The following AGAP1 variants were observed in gnomAD, a reference collection of about 807,000 sequenced individuals.
The protein encoded by AGAP1 is ArfGAP with GTPase domain, ankyrin repeat and PH domain 1, also known as arf-GAP with GTPase, ANK repeat and PH domain-containing protein 1.
In AGAP1, 29 loss-of-function variants were observed where a neutral mutation model predicts 105.3. The ratio of observed to expected loss-of-function variants is 0.28; its 90% CI spans 0.21 to 0.38. AGAP1 has a LOEUF of 0.38. AGAP1 is among the 10% of genes least tolerant of loss of function. AGAP1 has a pLI of 1.00. For missense variants in AGAP1, 998 were observed against 1,165.1 expected (o/e 0.86, Z 2.09); for synonymous variants, 509 against 485.9 (o/e 1.05, Z -0.63).
At chr2:235,679,329 A>G (rs905331227) in intron 1 of AGAP1, among the ~76,000 whole-genome samples, 3 of 152,220 alleles carry the variant, frequency 2.0e-5, no homozygotes, top group Non-Finnish European at 4.4e-5. Context: ...GAAATATTGC[A>G]TATGTGGCTG....
rs1287368052 is a variant in AGAP1 at position 235,577,644 on chromosome 2, C to A, written c.163+82795C>A. Among the ~76,000 whole-genome samples, 37 of 152,240 alleles carry A rather than the reference C, an allele frequency of 2.4e-4. No individual in the cohort carries two copies. Among genetic ancestry groups the A allele is most frequent in the Non-Finnish European group, 2.9e-5 (2 of 68,016 alleles). The stretch of plus-strand genomic sequence containing the variant: ...CTTCCCCCGGTTATTTTTGTTTGGG[C>A]AGTTAACTCTGAGCATTCGGAACAT... On this transcript the variant is annotated intron_variant, in intron 1 of 17. Coordinates refer to ENST00000304032, the MANE Select transcript of AGAP1 (RefSeq NM_001037131.3). The surrounding 1 kb of genome is among the most constrained non-coding windows in gnomAD (Gnocchi z 4.5).
chr2:235,807,555 G>T (rs890720915), intron 9 of AGAP1, among the ~76,000 whole-genome samples: 1 of 152,252 alleles, frequency 6.6e-6, no homozygotes, highest in African/African-American at 2.4e-5. Flanking sequence ...AGTGCGGGCT[G>T]CCCGCCTGCA....
chr2:236,061,395 C>T lies in AGAP1; in HGVS notation c.2114+12114C>T, dbSNP rs954598240. 2.0e-5 allele frequency among the ~76,000 whole-genome samples: 3 copies of T among 152,208 alleles called. No individual in the cohort carries two copies. Among genetic ancestry groups the T allele is most frequent in the Non-Finnish European group, 2.9e-5 (2 of 68,032 alleles). ...AAACACTTGTCCACACAAAAATGTACACCTGAGTGTTCACAGCAACATCAT... is the reference window on the plus strand; with the variant it reads ...AAACACTTGTCCACACAAAAATGTATACCTGAGTGTTCACAGCAACATCAT... On this transcript the variant is annotated intron_variant, in intron 16 of 17. Coordinates refer to ENST00000304032, the MANE Select transcript of AGAP1 (RefSeq NM_001037131.3). This position sits in a 1 kb window ranked among gnomAD's most constrained non-coding sequence, Gnocchi z 4.1.
intron 1 of AGAP1, among the ~76,000 whole-genome samples, chr2:235,521,513 AG>A (rs140093763): frequency 0.023 from 3,455 of 152,252 alleles, 134 homozygotes; most frequent in African/African-American, 0.079. Context: ...TTTAAATATA[AG>A]CAAATACATG....
intron 1 of AGAP1, chr2:235,670,579 G>T (rs368282159): frequency 8.6e-5 from 46 of 537,522 alleles, no homozygotes; most frequent in East Asian, 7.5e-4. Context: ...ACTGGAGCGG[G>T]CCTGAGGCGC....
rs998217235 is a variant in AGAP1, at chr2:235,665,644, T to G, written c.164-43535T>G. 6.6e-6 allele frequency among the ~76,000 whole-genome samples: 1 copy of G among 152,216 alleles called. No individual in the cohort carries two copies. Among genetic ancestry groups the G allele is most frequent in the East Asian group, 1.9e-4 (1 of 5,188 alleles). On this transcript the variant is annotated intron_variant, in intron 1 of 17. Transcript: ENST00000304032. The surrounding 1 kb of genome is among the most constrained non-coding windows in gnomAD (Gnocchi z 5.3). ...AAGACGTTACTGTCTTGGTAATTGC[T>G]TCTTCTTACATGTATCTGTCAGTCA...
At chr2:235,825,819 T>C (rs1445980114) in intron 9 of AGAP1, among the ~76,000 whole-genome samples, 1 of 152,214 alleles carries the variant, frequency 6.6e-6, no homozygotes, top group Non-Finnish European at 1.5e-5. Flanking sequence ...AGGGTGACTT[T>C]AGTCAGTAAT....
chr2:235,957,833 T>C lies in AGAP1; in HGVS notation c.1484-10629T>C, dbSNP rs1233957464. Among the ~76,000 whole-genome samples the C allele has an allele frequency of 6.6e-6, 1 of 152,156 alleles. No individual in the cohort carries two copies. The highest frequency in any genetic ancestry group is 1.5e-5 in the Non-Finnish European group (1 of 68,028). ...GTTCCTACAACGACTTCATCTTGAGTTCACAGGGGGCTTCAGCCCTCAACT... is the reference window on the plus strand; with the variant it reads ...GTTCCTACAACGACTTCATCTTGAGCTCACAGGGGGCTTCAGCCCTCAACT... On this transcript the variant is annotated intron_variant, in intron 12 of 17. Coordinates refer to ENST00000304032, the MANE Select transcript of AGAP1 (RefSeq NM_001037131.3). This position sits in a 1 kb window ranked among gnomAD's most constrained non-coding sequence, Gnocchi z 4.6.
At chr2:235,835,484 C>T (rs1470025800) in intron 9 of AGAP1, among the ~76,000 whole-genome samples, 1 of 152,166 alleles carries the variant, frequency 6.6e-6, no homozygotes, top group Non-Finnish European at 1.5e-5. Context: ...CTCATGTAGC[C>T]CCTCTCTTGT....
chr2:236,024,720 G>A lies in AGAP1; in HGVS notation c.1646-11841G>A, dbSNP rs1292558487. On this transcript the variant is annotated intron_variant, in intron 13 of 17. Coordinates refer to ENST00000304032, the MANE Select transcript of AGAP1 (RefSeq NM_001037131.3). ...CTTGTGAAATCAGTCTGATGGCTGA[G>A]TTTCTTGCCCCTAAGGAGGCAAAAT... Among the ~76,000 whole-genome samples the A allele has an allele frequency of 3.3e-5, 5 of 152,244 alleles. No individual in the cohort carries two copies. In the East Asian group the frequency reaches 9.6e-4, roughly 29 times the overall value.
intron 1 of AGAP1, among the ~76,000 whole-genome samples, chr2:235,695,889 A>G (rs1199506978): frequency 6.6e-6 from 1 of 151,914 alleles, no homozygotes; most frequent in Non-Finnish European, 1.5e-5. Context: ...TGAATAACCA[A>G]CCCCTCTGTG....
At chr2:235,531,993 T>C (rs940186094) in intron 1 of AGAP1, among the ~76,000 whole-genome samples, 1 of 152,132 alleles carries the variant, frequency 6.6e-6, no homozygotes, top group African/African-American at 2.4e-5. Flanking sequence ...TGGCAGACAC[T>C]TGTTTAAGTT....
intron 6 of AGAP1, among the ~76,000 whole-genome samples, chr2:235,790,191 C>G (rs962225999): frequency 6.6e-6 from 1 of 152,058 alleles, no homozygotes; most frequent in African/African-American, 2.4e-5. Context: ...GAAGATGGAA[C>G]GTACATTAAA....
At chr2:235,561,874 AC>A (rs748077522) in intron 1 of AGAP1, among the ~76,000 whole-genome samples, 3 of 152,020 alleles carry the variant, frequency 2.0e-5, no homozygotes, top group Non-Finnish European at 2.9e-5. Context: ...CTTTCTTTAT[AC>A]CCTTCCCAGT....
In AGAP1 at chr2:235,976,467, G is replaced by C. The variant is rs899779967; in HGVS notation, c.1645+7844G>C. 1.3e-5 allele frequency among the ~76,000 whole-genome samples: 2 copies of C among 152,218 alleles called. No homozygotes were observed. Among genetic ancestry groups the C allele is most frequent in the Admixed American group, 6.5e-5 (1 of 15,288 alleles). On this transcript the variant is annotated intron_variant, in intron 13 of 17. Transcript: ENST00000304032. The surrounding 1 kb of genome is among the most constrained non-coding windows in gnomAD (Gnocchi z 4.5). ...AGATGAGTCGATCACAGCAGGGGCA[G>C]CCAGAACGGAAGATTCCCATCGTGA...
intron 10 of AGAP1, among the ~76,000 whole-genome samples, chr2:235,897,829 C>T (rs573604288): frequency 2.0e-5 from 3 of 152,212 alleles, no homozygotes; most frequent in Admixed American, 1.3e-4. Context: ...TCTTCTTTGG[C>T]TTATAACCTG....
At position 236,101,058 on chromosome 2, in the gene AGAP1, C is replaced by G. The variant is rs2059335025; in HGVS notation, c.2115-19134C>G. On this transcript the variant is annotated intron_variant, in intron 16 of 17. Transcript: ENST00000304032. This position sits in a 1 kb window ranked among gnomAD's most constrained non-coding sequence, Gnocchi z 4.9. Reference sequence around the variant, plus strand: ...GGTCCGCAGACCCAGGCCCCTCATTCCATCAGTTTCTTTCAGCATGTTTCC... The same window carrying G: ...GGTCCGCAGACCCAGGCCCCTCATTGCATCAGTTTCTTTCAGCATGTTTCC... Among the ~76,000 whole-genome samples the G allele has an allele frequency of 6.6e-6, 1 of 152,088 alleles. No individual in the cohort carries two copies. The highest frequency in any genetic ancestry group is 1.5e-5 in the Non-Finnish European group (1 of 68,018).
At chr2:235,840,464 C>T (rs1391089332) in intron 9 of AGAP1, among the ~76,000 whole-genome samples, 1 of 152,258 alleles carries the variant, frequency 6.6e-6, no homozygotes, top group Non-Finnish European at 1.5e-5. Context: ...CTATACTTCT[C>T]CCTTTAGAAG....
intron 9 of AGAP1, among the ~76,000 whole-genome samples, chr2:235,834,959 A>G (rs1167736504): frequency 6.6e-6 from 1 of 152,200 alleles, no homozygotes; most frequent in African/African-American, 2.4e-5. Context: ...ACATCACGAG[A>G]ACATGTGATT....
Sources: gnomAD v4.1 joint callset for allele counts (sites outside exome capture counted in the v4.1 genomes callset) on GRCh38, gnomAD v4.1.1 for gene constraint, Gnocchi (gnomAD v3.1) non-coding constraint, MANE v1.5 for transcripts, NCBI Gene and HGNC (gene_info 2026-07-23, HGNC 2026-07-21) for gene names.